SUN2: variants seen among roughly 807,000 people sequenced by gnomAD.
The protein encoded by SUN2 is SUN domain-containing protein 2.
A neutral mutation model predicts 100.0 loss-of-function variants in SUN2; 60 were observed. The ratio of observed to expected loss-of-function variants is 0.60; its 90% CI spans 0.49 to 0.74. The LOEUF (loss-of-function observed/expected upper bound fraction) is 0.74, where lower values mean the gene tolerates loss of function less well. Ranked by LOEUF, SUN2 falls within the 30% of genes least tolerant of loss-of-function variation. The probability of loss-of-function intolerance (pLI) is 0.00; values close to 1 mark genes in which losing one functional copy is unlikely to be tolerated. For missense variants in SUN2, 834 were observed against 954.6 expected, an observed-to-expected ratio of 0.87 and a Z score of 1.66; for synonymous variants, 367 against 403.3, an observed-to-expected ratio of 0.91 and a Z score of 1.08.
rs1160622186 is a variant in SUN2, at chr22:38,736,271, T to G, written c.2150A>C (p.His717Pro). The change falls in exon 18 of 18, where the codon CAC becomes CCC. Residue 717 changes from histidine (H) to proline (P), a missense_variant. Transcript: ENST00000689035. ...YRFRVHGEPA[H>P] ...AGCAGGCACCAGTAAGCAGGGCTAG[T>G]GGGCGGGCTCCCCATGCACTCTGAA... 6.2e-7 allele frequency: 1 copy of G among 1,612,278 alleles called. No homozygotes were observed. The highest frequency in any genetic ancestry group is 2.2e-5 in the East Asian group (1 of 44,850).
At chr22:38,750,076 G>A in intron 5 of SUN2, 149 bp downstream of exon 5, 1 of 1,322,402 alleles carries the variant, frequency 7.6e-7, no homozygotes, top group South Asian at 1.4e-5. Context: ...GGTCCCCACA[G>A]CTCTGGGCTC....
chr22:38,742,516 G>A lies in SUN2; in HGVS notation c.853C>T (p.Arg285Trp), dbSNP rs764214012. The A allele has an allele frequency of 8.7e-6, 14 of 1,612,994 alleles. No individual in the cohort carries two copies. The highest frequency in any genetic ancestry group is 8.0e-5 in the African/African-American group (6 of 74,918). Residue 285 changes from arginine (R) to tryptophan (W), a missense_variant, in exon 9 of 18, where the codon CGG becomes TGG. Arg to Trp is a moderately radical substitution (Grantham distance 101, BLOSUM62 -3). Coordinates refer to ENST00000689035, the MANE Select transcript of SUN2 (RefSeq NM_015374.3). ...RVMSRVHSLE[R>W]RLEALAAEFS... Reference sequence around the variant, plus strand: ...TCAGCAGCAAGAGCTTCCAGACGCCGCTCCAGAGAGTGTACCCGGGACATA... The same window carrying A: ...TCAGCAGCAAGAGCTTCCAGACGCCACTCCAGAGAGTGTACCCGGGACATA...
chr22:38,750,864 C>T (rs769921063), intron 4 of SUN2, 34 bp downstream of exon 4: 10 of 1,610,884 alleles, frequency 6.2e-6, no homozygotes, highest in South Asian at 2.2e-5. Flanking sequence ...CCAGCAGCCT[C>T]GGATCTGCTC....
Position 38,738,755 on chromosome 22 carries a change from C to T in SUN2, c.1780-1G>A. 6.2e-7 allele frequency: 1 copy of T among 1,612,938 alleles called. No individual in the cohort carries two copies. The highest frequency in any genetic ancestry group is 8.5e-7 in the Non-Finnish European group (1 of 1,179,564). ...AGCAGTTGCCTGGGTGCACATCTGG[C>T]TGGAGGAGCAGAAAGTCATGTCAGG... On this transcript the variant is annotated splice_acceptor_variant, in intron 15 of 17. Transcript: ENST00000689035. LOFTEE classifies it high-confidence loss of function. The surrounding 1 kb of genome is among the most constrained non-coding windows in gnomAD (Gnocchi z 6.6).
Position 38,739,577 on chromosome 22 carries a change from C to A in SUN2, c.1578+145G>T. The stretch of plus-strand genomic sequence containing the variant: ...CAGATGTGGGCACACTGCCACCCAC[C>A]CATGCCAGCCCCACAGCATGCAAAG... On this transcript the variant is annotated intron_variant, in intron 13 of 17. Coordinates refer to ENST00000689035, the MANE Select transcript of SUN2 (RefSeq NM_015374.3). The surrounding 1 kb of genome is among the most constrained non-coding windows in gnomAD (Gnocchi z 6.7). 2 of 1,286,448 alleles carry A rather than the reference C, an allele frequency of 1.6e-6. No individual in the cohort carries two copies. The highest frequency in any genetic ancestry group is 1.3e-5 in the South Asian group (1 of 76,526). The allele number at this position is 1,286,448 out of a possible 1,614,324, so 79.7% of individuals were successfully genotyped here.
chr22:38,753,129 C>T (rs905553415), intron 1 of SUN2, among the ~76,000 whole-genome samples: 1 of 151,940 alleles, frequency 6.6e-6, no homozygotes, highest in African/African-American at 2.4e-5. Context: ...AGCTGTGTCC[C>T]TTTGCTGACA....
intron 2 of SUN2, among the ~76,000 whole-genome samples, chr22:38,751,630 C>T (rs2092946597): frequency 6.6e-6 from 1 of 152,266 alleles, no homozygotes; most frequent in Non-Finnish European, 1.5e-5. Flanking sequence ...TTACAACCCA[C>T]TGAAACCAGA....
Position 38,737,122 on chromosome 22 carries a change from C to T in SUN2, c.2041-742G>A, listed in dbSNP as rs546259196. Among the ~76,000 whole-genome samples the T allele has an allele frequency of 5.9e-5, 9 of 152,330 alleles. No homozygotes were observed. The highest frequency in any genetic ancestry group is 1.9e-4 in the African/African-American group (8 of 41,578). On this transcript the variant is annotated intron_variant, in intron 17 of 17. Transcript: ENST00000689035. The surrounding 1 kb of genome is among the most constrained non-coding windows in gnomAD (Gnocchi z 4.1). Reference sequence around the variant, plus strand: ...TTGGCCTTGCAAAGTGCTGGAATTACAGACATGAGCCACCTCGTCTGGCCT... The same window carrying T: ...TTGGCCTTGCAAAGTGCTGGAATTATAGACATGAGCCACCTCGTCTGGCCT...
Position 38,738,241 on chromosome 22 carries a change from CCTG to C in SUN2, c.1969_1971del (p.Gln657del), listed in dbSNP as rs1448400074. ...GTGAACTTGCCAAGGAGTGTCCCCT[CCTG>C]CTGCAGGTCTTCGTCAAACCCCTGC... is the stretch of plus-strand genomic sequence containing the variant. On this transcript the variant is annotated inframe_deletion, in exon 17 of 18. Transcript: ENST00000689035. The surrounding 1 kb of genome is among the most constrained non-coding windows in gnomAD (Gnocchi z 6.6). The C allele has an allele frequency of 6.2e-7, 1 of 1,613,796 alleles. No homozygotes were observed. Among genetic ancestry groups the C allele is most frequent in the Non-Finnish European group, 8.5e-7 (1 of 1,179,994 alleles).
chr22:38,742,071 A>G (rs1322448159), intron 9 of SUN2, among the ~76,000 whole-genome samples: 1 of 151,804 alleles, frequency 6.6e-6, no homozygotes, highest in Non-Finnish European at 1.5e-5. Context: ...TGAACCTGGG[A>G]GGCACAGGTT....
intron 6 of SUN2, chr22:38,749,101 C>T (rs1259397093): frequency 3.1e-6 from 1 of 319,376 alleles, no homozygotes; most frequent in East Asian, 5.3e-5. Flanking sequence ...AAAAAAGTAA[C>T]TCCTTAAATA....
At chr22:38,743,318 G>A (rs1177753426) in intron 8 of SUN2, among the ~76,000 whole-genome samples, 3 of 152,332 alleles carry the variant, frequency 2.0e-5, no homozygotes, top group Non-Finnish European at 2.9e-5. Context: ...GGGACGTGGT[G>A]GCTCACGCCT....
intron 17 of SUN2, 89 bp from the exon 18 acceptor site, chr22:38,736,469 G>A: frequency 1.9e-6 from 2 of 1,063,558 alleles, no homozygotes; most frequent in East Asian, 2.7e-5. Context: ...GCCTCGCCTA[G>A]GGCCAGATGG....
chr22:38,751,285 T>A lies in SUN2; in HGVS notation c.211A>T (p.Ser71Cys), dbSNP rs750366160. ...PSSDAHTSYY[S>C]ESLVHESWFP... Reference sequence around the variant, plus strand: ...CAGGACTCGTGGACCAGCGACTCACTGTAGTAGGAGGTGTGTGCATCAGAG... The same window carrying A: ...CAGGACTCGTGGACCAGCGACTCACAGTAGTAGGAGGTGTGTGCATCAGAG... The change falls in exon 3 of 18, where the codon AGT (serine) becomes TGT (cysteine). Residue 71 changes from serine (S) to cysteine (C), a missense_variant. This residue lies in a region of SUN2 where 559 missense variants were observed against 597.7 expected (regional missense o/e 0.94). Transcript: ENST00000689035. The A allele has an allele frequency of 6.2e-7, 1 of 1,614,026 alleles. No homozygotes were observed. The highest frequency in any genetic ancestry group is 1.7e-5 in the Admixed American group (1 of 60,002).
intron 2 of SUN2, 48 bp downstream of exon 2, chr22:38,752,457 CAA>C: frequency 4.5e-6 from 7 of 1,566,434 alleles, no homozygotes; most frequent in Non-Finnish European, 6.1e-6. Context: ...GGGCAGTGAC[CAA>C]AAGCTTGTGG....
intron 5 of SUN2, 106 bp downstream of exon 5, chr22:38,750,119 T>C (rs983876013): frequency 5.6e-5 from 83 of 1,487,838 alleles, no homozygotes; most frequent in Non-Finnish European, 7.1e-5. Flanking sequence ...CTTTCCCCAA[T>C]GGTCCTACAG....
Position 38,739,071 on chromosome 22 carries a change from GTGGA to G in SUN2, c.1664-87_1664-84del. ...GCCATTGGCTGTCTCCTCGCTGAAG[GTGGA>G]CGGCAGATGCCCCAGGCCTAGCCTT... On this transcript the variant is annotated intron_variant, in intron 14 of 17. Coordinates refer to ENST00000689035, the MANE Select transcript of SUN2 (RefSeq NM_015374.3). The surrounding 1 kb of genome is among the most constrained non-coding windows in gnomAD (Gnocchi z 6.7). The G allele has an allele frequency of 7.4e-7, 1 of 1,360,500 alleles. No individual in the cohort carries two copies. Among genetic ancestry groups the G allele is most frequent in the Non-Finnish European group, 1.0e-6 (1 of 974,956 alleles). 84.3% of individuals were successfully genotyped at this position (1,360,500 alleles called of 1,614,324 possible). A position where few individuals can be genotyped will look rare whatever the true frequency, so the allele number is the denominator to read the frequency against.
intron 8 of SUN2, chr22:38,744,047 C>T (rs2092882535): frequency 6.6e-6 from 1 of 152,000 alleles, no homozygotes; most frequent in African/African-American, 2.4e-5. Flanking sequence ...CAGAGACCAT[C>T]CTGGCCAACA....
chr22:38,735,275 G>A lies in SUN2; in HGVS notation c.*992C>T, dbSNP rs757490603. The A allele has an allele frequency of 2.2e-6, 1 of 455,406 alleles. No individual in the cohort carries two copies. Among genetic ancestry groups the A allele is most frequent in the South Asian group, 1.6e-5 (1 of 64,492 alleles). 28.2% of individuals were successfully genotyped at this position (455,406 alleles called of 1,614,324 possible). A position where few individuals can be genotyped will look rare whatever the true frequency, so the allele number is the denominator to read the frequency against. ...AACAAGAGCTGCAAGAGCCCAAGGG[G>A]GCAGCCTGAGCGGACGACCCCTACA... is the stretch of plus-strand genomic sequence containing the variant. On this transcript the variant is annotated 3_prime_UTR_variant, in exon 18 of 18. Coordinates refer to ENST00000689035, the MANE Select transcript of SUN2 (RefSeq NM_015374.3).
Sources: allele counts gnomAD v4.1 joint callset (sites outside exome capture counted in the v4.1 genomes callset), GRCh38; gene constraint gnomAD v4.1.1; regional missense constraint gnomAD v4.1.1; non-coding constraint Gnocchi (gnomAD v3.1); transcripts MANE v1.5; gene names NCBI Gene and HGNC (gene_info 2026-07-23, HGNC 2026-07-21).